FAM171B: variants seen among roughly 807,000 people sequenced by gnomAD.
The protein encoded by FAM171B is protein FAM171B.
Under a neutral mutation model 75.6 loss-of-function variants are expected in FAM171B, and 19 were observed. The observed-to-expected ratio is 0.25, with a 90% CI of 0.18 to 0.37. The LOEUF (loss-of-function observed/expected upper bound fraction) is 0.37, where lower values mean the gene tolerates loss of function less well. Among genes scored for constraint, FAM171B ranks in the 10% least tolerant of loss-of-function variants. The pLI is 1.00. For synonymous variants in FAM171B, 367 were observed against 361.7 expected, an observed-to-expected ratio of 1.01 and a Z score of -0.17; for missense variants, 848 against 982.4, an observed-to-expected ratio of 0.86 and a Z score of 1.83.
intron 7 of FAM171B, 42 bp downstream of exon 7, chr2:186,761,278 G>T (rs758249882): frequency 1.9e-6 from 3 of 1,605,676 alleles, no homozygotes; most frequent in Middle Eastern, 1.7e-4. Context: ...TCAAGTTATG[G>T]TATCATTTCA....
intron 1 of FAM171B, among the ~76,000 whole-genome samples, chr2:186,711,184 A>G (rs1042961015): frequency 6.6e-6 from 1 of 152,214 alleles, no homozygotes; most frequent in East Asian, 1.9e-4. Context: ...TGCAAATAGC[A>G]TACTTTACTT....
At chr2:186,702,522 A>G (rs183749442) in intron 1 of FAM171B, among the ~76,000 whole-genome samples, 3 of 152,320 alleles carry the variant, frequency 2.0e-5, no homozygotes, top group Admixed American at 2.0e-4. Flanking sequence ...GACATATCAG[A>G]TTCTGTGCCA....
At chr2:186,709,409 C>T (rs1689780135) in intron 1 of FAM171B, among the ~76,000 whole-genome samples, 1 of 152,110 alleles carries the variant, frequency 6.6e-6, no homozygotes. Context: ...TTGAAGAAAC[C>T]AGACTGGTAA....
At chr2:186,729,307 A>G (rs1690078488) in intron 1 of FAM171B, among the ~76,000 whole-genome samples, 2 of 152,016 alleles carry the variant, frequency 1.3e-5, no homozygotes, top group Non-Finnish European at 2.9e-5. Context: ...TAATTAAGTG[A>G]CAGAGAAAAT....
intron 1 of FAM171B, among the ~76,000 whole-genome samples, chr2:186,738,011 C>T (rs867335771): frequency 2.0e-5 from 3 of 152,190 alleles, no homozygotes; most frequent in Non-Finnish European, 4.4e-5. Flanking sequence ...ATGCCACAAG[C>T]GGCTTCTGTG....
At chr2:186,696,251 A>G (rs1390254837) in intron 1 of FAM171B, among the ~76,000 whole-genome samples, 1 of 152,068 alleles carries the variant, frequency 6.6e-6, no homozygotes, top group African/African-American at 2.4e-5. Flanking sequence ...AACTCTAATT[A>G]CCCAAGCCAG....
chr2:186,761,807 G>T lies in FAM171B; in HGVS notation c.1465G>T (p.Val489Leu), dbSNP rs1176084339. The change falls in exon 8 of 8, where the codon GTA becomes TTA. Residue 489 changes from valine to leucine, a missense_variant. Val to Leu is a conservative substitution (Grantham distance 32, BLOSUM62 1). Transcript: ENST00000304698. ...RNPTQSLEPN[V>L]GSKQPKHINN... ...CCCAACACAGTCTTTGGAGCCCAAT[G>T]TAGGGTCCAAACAACCTAAACATAT... is the stretch of plus-strand genomic sequence containing the variant. 1 of 1,613,200 alleles carries T rather than the reference G, an allele frequency of 6.2e-7. No individual in the cohort carries two copies. Among genetic ancestry groups the T allele is most frequent in the Non-Finnish European group, 8.5e-7 (1 of 1,179,770 alleles).
intron 6 of FAM171B, among the ~76,000 whole-genome samples, chr2:186,757,410 A>C (rs1019941717): frequency 6.6e-5 from 10 of 152,030 alleles, no homozygotes; most frequent in African/African-American, 2.2e-4. Context: ...CCAAATATAT[A>C]TATATATATG....
intron 1 of FAM171B, among the ~76,000 whole-genome samples, chr2:186,724,027 A>G (rs1446420219): frequency 3.3e-5 from 5 of 152,236 alleles, no homozygotes; most frequent in African/African-American, 1.2e-4. Flanking sequence ...ACAGAAAATG[A>G]ACCTAATGAG....
chr2:186,700,806 C>T (rs1380786380), intron 1 of FAM171B, among the ~76,000 whole-genome samples: 5 of 151,938 alleles, frequency 3.3e-5, no homozygotes, highest in South Asian at 4.2e-4. Context: ...TTTTTGTTCC[C>T]CAATATTCTA....
chr2:186,739,750 G>T (rs549665350), intron 1 of FAM171B, among the ~76,000 whole-genome samples: 4 of 152,298 alleles, frequency 2.6e-5, no homozygotes, highest in Non-Finnish European at 4.4e-5. Context: ...TAGAAGGACT[G>T]CATTGTAAAA....
chr2:186,715,443 T>C (rs189683325), intron 1 of FAM171B, among the ~76,000 whole-genome samples: 1 of 152,238 alleles, frequency 6.6e-6, no homozygotes, highest in African/African-American at 2.4e-5. Context: ...GCTCAAGCAA[T>C]CCTCAGGCCT....
intron 3 of FAM171B, among the ~76,000 whole-genome samples, chr2:186,745,999 A>G (rs957809777): frequency 3.9e-5 from 6 of 152,172 alleles, no homozygotes; most frequent in Non-Finnish European, 8.8e-5. Flanking sequence ...TTCATTTATC[A>G]TTTATTGTCA....
In FAM171B at chr2:186,760,995, A is replaced by AG. The variant is rs138474579; in HGVS notation, c.1013-112dup. 4,229 of 1,050,164 alleles carry AG rather than the reference A, an allele frequency of 4.0e-3. 14 individuals carry two copies. The highest frequency in any genetic ancestry group is 0.011 in the African/African-American group (678 of 61,606). The allele number at this position is 1,050,164 out of a possible 1,614,324, so 65.1% of individuals were successfully genotyped here. On this transcript the variant is annotated intron_variant, in intron 6 of 7. Transcript: ENST00000304698. The stretch of plus-strand genomic sequence containing the variant: ...CACCCATAGGGAAATCTGTCATAGG[A>AG]GGGGGGCAAACAAATAAAAGTATGT...
Position 186,694,127 on chromosome 2 carries a change from C to A in FAM171B, c.-47C>A. The A allele has an allele frequency of 6.9e-7, 1 of 1,440,836 alleles. No individual in the cohort carries two copies. Among genetic ancestry groups the A allele is most frequent in the South Asian group, 1.5e-5 (1 of 67,402 alleles). The allele number at this position is 1,440,836 out of a possible 1,614,324, so 89.3% of individuals were successfully genotyped here. A position where few individuals can be genotyped will look rare whatever the true frequency, so the allele number is the denominator to read the frequency against. ...AGCCCGCAGCCCTGGCGCCCGCCGC[C>A]GCCCGGAGCCCCGCAATATGCCGCC... On this transcript the variant is annotated 5_prime_UTR_variant, in exon 1 of 8. Transcript: ENST00000304698.
chr2:186,737,484 C>A (rs1690221019), intron 1 of FAM171B, among the ~76,000 whole-genome samples: 1 of 152,116 alleles, frequency 6.6e-6, no homozygotes, highest in Admixed American at 6.5e-5. Context: ...CCCTCCCAAG[C>A]AGCTGGCATG....
intron 1 of FAM171B, among the ~76,000 whole-genome samples, chr2:186,720,739 A>G (rs1689941915): frequency 6.6e-6 from 1 of 151,792 alleles, no homozygotes. Context: ...AAACAAAACA[A>G]AAACTCTCTA....
chr2:186,751,843 G>A (rs1690459529), intron 5 of FAM171B, among the ~76,000 whole-genome samples: 3 of 152,104 alleles, frequency 2.0e-5, no homozygotes, highest in Admixed American at 1.3e-4. Context: ...GGGTTCCCAT[G>A]TAAATAAGGT....
intron 1 of FAM171B, among the ~76,000 whole-genome samples, chr2:186,734,083 TG>T (rs1690162093): frequency 6.6e-6 from 1 of 152,006 alleles, no homozygotes; most frequent in Non-Finnish European, 1.5e-5. Context: ...AACTGGAGGG[TG>T]AGCAAGGTGA....
Sources: allele counts gnomAD v4.1 joint callset (sites outside exome capture counted in the v4.1 genomes callset), GRCh38; gene constraint gnomAD v4.1.1; transcripts MANE v1.5; gene names NCBI Gene and HGNC (gene_info 2026-07-23, HGNC 2026-07-21).